Variants in UBR1 observed in about 807,000 individuals in gnomAD.
UBR1 encodes ubiquitin protein ligase E3 component n-recognin 1, also known as E3 ubiquitin-protein ligase UBR1.
A neutral mutation model predicts 242.1 loss-of-function variants in UBR1; 102 were observed. The ratio of observed to expected loss-of-function variants is 0.42; its 90% CI spans 0.36 to 0.50. The LOEUF (loss-of-function observed/expected upper bound fraction) is 0.50, where lower values mean the gene tolerates loss of function less well. Ranked by LOEUF, UBR1 falls within the 20% of genes least tolerant of loss-of-function variation. The probability of loss-of-function intolerance (pLI) is 0.01; values close to 1 mark genes in which losing one functional copy is unlikely to be tolerated. For synonymous variants in UBR1, 675 were observed against 684.8 expected (o/e 0.99, Z 0.22); for missense variants, 1,772 against 2,101.8 (o/e 0.84, Z 3.07).
chr15:43,075,617 ATT>A (rs776345905), intron 3 of UBR1, among the ~76,000 whole-genome samples: 5 of 140,954 alleles, frequency 3.5e-5, no homozygotes, highest in Admixed American at 7.1e-5. Flanking sequence ...GAGTGATAAG[ATT>A]TTTTTTTTTT....
chr15:42,965,277 C>T (rs8037022), intron 41 of UBR1, among the ~76,000 whole-genome samples: 119,591 of 151,978 alleles, frequency 0.79, 48,473 homozygotes, highest in Non-Finnish European at 0.88. Flanking sequence ...TTTGATGACT[C>T]TTCCAAAATC....
At chr15:43,038,863 G>T (rs1303203389) in intron 15 of UBR1, among the ~76,000 whole-genome samples, 1 of 149,626 alleles carries the variant, frequency 6.7e-6, no homozygotes, top group Non-Finnish European at 1.5e-5. Context: ...TCATTAAAAA[G>T]GTACTTTTAA....
chr15:43,031,355 A>G (rs917683020), intron 20 of UBR1, among the ~76,000 whole-genome samples: 2 of 152,226 alleles, frequency 1.3e-5, no homozygotes, highest in Non-Finnish European at 2.9e-5. Context: ...TTATACTACA[A>G]TATTAGAGAT....
In UBR1 at chr15:43,019,309, C is replaced by T. The variant is rs186491530; in HGVS notation, c.2940+1966G>A. On this transcript the variant is annotated intron_variant, in intron 27 of 46. Transcript: ENST00000290650. ...CGATCTCCTGACCTCGTGACCCCGC[C>T]GCCTCAGTCTCCCAAAGTGCTGGGA... 1.3e-3 allele frequency among the ~76,000 whole-genome samples: 195 copies of T among 152,156 alleles called. 1 individual carries two copies. Among genetic ancestry groups the T allele is most frequent in the Non-Finnish European group, 2.1e-3 (145 of 68,002 alleles).
intron 3 of UBR1, among the ~76,000 whole-genome samples, chr15:43,075,862 G>A (rs2033883028): frequency 6.6e-6 from 1 of 151,954 alleles, no homozygotes; most frequent in Non-Finnish European, 1.5e-5. Flanking sequence ...TGATCCGCCC[G>A]CCTCAGCCTG....
At chr15:43,062,200 A>G (rs571261234) in intron 6 of UBR1, among the ~76,000 whole-genome samples, 1 of 152,350 alleles carries the variant, frequency 6.6e-6, no homozygotes, top group East Asian at 1.9e-4. Flanking sequence ...CATGTTCATA[A>G]GAGCATTATC....
Position 43,036,172 on chromosome 15 carries a change from G to C in UBR1, c.2190+6C>G. On this transcript the variant is annotated splice_donor_region_variant and intron_variant, in intron 19 of 46. Transcript: ENST00000290650. ...AATTAATTCACATAATTTACAGGTTGTATACCTGGTCTTTTGTAGATATGG... is the reference window on the plus strand; with the variant it reads ...AATTAATTCACATAATTTACAGGTTCTATACCTGGTCTTTTGTAGATATGG... The C allele has an allele frequency of 6.3e-7, 1 of 1,592,140 alleles. No individual in the cohort carries two copies. Among genetic ancestry groups the C allele is most frequent in the Admixed American group, 1.7e-5 (1 of 60,002 alleles).
chr15:43,014,848 C>T (rs972050558), intron 29 of UBR1, among the ~76,000 whole-genome samples: 4 of 150,054 alleles, frequency 2.7e-5, no homozygotes, highest in African/African-American at 4.9e-5. Flanking sequence ...GGTCAGCCCC[C>T]GCCCGGCCAG....
intron 43 of UBR1, among the ~76,000 whole-genome samples, chr15:42,958,653 C>CTA (rs563107298): frequency 2.0e-4 from 30 of 152,182 alleles, no homozygotes; most frequent in African/African-American, 7.0e-4. Context: ...CGGTTGAGGA[C>CTA]TAAATGAGAT....
At chr15:42,969,909 T>C (rs2032175264) in intron 40 of UBR1, among the ~76,000 whole-genome samples, 1 of 152,042 alleles carries the variant, frequency 6.6e-6, no homozygotes, top group South Asian at 2.1e-4. Context: ...GTGAAAATGG[T>C]CGTACTGCTC....
In UBR1 at chr15:42,965,435, A is replaced by G. The variant is rs181490135; in HGVS notation, c.4591+718T>C. On this transcript the variant is annotated intron_variant, in intron 41 of 46. Coordinates refer to ENST00000290650, the MANE Select transcript of UBR1 (RefSeq NM_174916.3). ...GTTCTAGTAGGCCTTTCCTAGCAGC[A>G]CTTTCATTCTTTAATGTAGTCATAT... Among the ~76,000 whole-genome samples, 46 of 150,612 alleles carry G rather than the reference A, an allele frequency of 3.1e-4. No individual in the cohort carries two copies. The East Asian group carries it at 8.7e-3, about 29-fold the overall frequency.
chr15:43,082,724 A>G lies in UBR1; in HGVS notation c.339-8T>C, dbSNP rs770355084. 6.2e-7 allele frequency: 1 copy of G among 1,613,126 alleles called. No homozygotes were observed. The highest frequency in any genetic ancestry group is 8.5e-7 in the Non-Finnish European group (1 of 1,179,256). ...GGATCAATTGCACAATCCCTGAAAAAGATCAGAAATCAGATTCCAAAATTT... is the reference window on the plus strand; with the variant it reads ...GGATCAATTGCACAATCCCTGAAAAGGATCAGAAATCAGATTCCAAAATTT... On this transcript the variant is annotated splice_region_variant and splice_polypyrimidine_tract_variant and intron_variant, in intron 2 of 46. Coordinates refer to ENST00000290650, the MANE Select transcript of UBR1 (RefSeq NM_174916.3).
At chr15:43,074,868 A>G (rs1212069785) in intron 4 of UBR1, 111 bp downstream of exon 4, 4 of 902,690 alleles carry the variant, frequency 4.4e-6, no homozygotes, top group Non-Finnish European at 7.3e-6. Flanking sequence ...CCTAAATATG[A>G]GAATAAAAAC....
chr15:42,980,166 C>T (rs1419952441), intron 37 of UBR1, among the ~76,000 whole-genome samples: 1 of 152,084 alleles, frequency 6.6e-6, no homozygotes, highest in African/African-American at 2.4e-5. Flanking sequence ...ATCTTTTCAG[C>T]CAAAAGAATA....
At chr15:43,104,611 C>G (rs976303057) in intron 1 of UBR1, among the ~76,000 whole-genome samples, 1 of 152,052 alleles carries the variant, frequency 6.6e-6, no homozygotes, top group African/African-American at 2.4e-5. Context: ...CCTAGACAGT[C>G]TCTTCAGTCC....
intron 1 of UBR1, among the ~76,000 whole-genome samples, chr15:43,095,379 T>C (rs541604774): frequency 6.6e-6 from 1 of 152,262 alleles, no homozygotes; most frequent in East Asian, 1.9e-4. Flanking sequence ...TATATTCAAG[T>C]GAGTAACAGT....
chr15:42,968,719 T>C (rs544094734), intron 40 of UBR1, among the ~76,000 whole-genome samples: 1 of 152,248 alleles, frequency 6.6e-6, no homozygotes, highest in African/African-American at 2.4e-5. Context: ...CCCCTCCCTG[T>C]GCCCATATGT....
At chr15:43,016,241 T>C (rs568176276) in intron 28 of UBR1, among the ~76,000 whole-genome samples, 129 of 152,350 alleles carry the variant, frequency 8.5e-4, no homozygotes, top group African/African-American at 3.0e-3. Context: ...CTAAATGCAC[T>C]GTGAAAAATG....
At chr15:43,104,010 T>C (rs2034268217) in intron 1 of UBR1, among the ~76,000 whole-genome samples, 1 of 152,182 alleles carries the variant, frequency 6.6e-6, no homozygotes, top group Non-Finnish European at 1.5e-5. Flanking sequence ...GTTATAAAGC[T>C]TAACAGTCAC....
Sources: allele counts gnomAD v4.1 joint callset (sites outside exome capture counted in the v4.1 genomes callset), GRCh38; gene constraint gnomAD v4.1.1; transcripts MANE v1.5; gene names NCBI Gene and HGNC (gene_info 2026-07-23, HGNC 2026-07-21).